Variants in RPP30 observed in about 807,000 individuals in gnomAD.
The protein encoded by RPP30 is ribonuclease P protein subunit p30.
Under a neutral mutation model 38.6 loss-of-function variants are expected in RPP30, and 36 were observed. The observed-to-expected ratio is 0.93, with a 90% CI of 0.71 to 1.23. The LOEUF (loss-of-function observed/expected upper bound fraction) is 1.23. Among genes scored for constraint, RPP30 ranks in the 50% most tolerant of loss-of-function variants. The probability of loss-of-function intolerance (pLI) is 0.00; values close to 1 mark genes in which losing one functional copy is unlikely to be tolerated. For synonymous variants in RPP30, 126 were observed against 112.7 expected (o/e 1.12, Z -0.75); for missense variants, 321 against 321.7 (o/e 1.00, Z 0.02).
intron 5 of RPP30, among the ~76,000 whole-genome samples, chr10:90,882,805 A>T (rs1029372002): frequency 1.3e-5 from 2 of 152,206 alleles, no homozygotes; most frequent in South Asian, 2.1e-4. Context: ...CTCTATTTTT[A>T]AAAAATAAAA....
chr10:90,878,822 G>T (rs747537316), intron 4 of RPP30, among the ~76,000 whole-genome samples: 1 of 152,200 alleles, frequency 6.6e-6, no homozygotes, highest in Non-Finnish European at 1.5e-5. Flanking sequence ...CAGACACAAT[G>T]TTTGGTACAT....
At chr10:90,895,817 T>C in intron 8 of RPP30, 63 bp from the exon 9 acceptor site, 1 of 1,154,880 alleles carries the variant, frequency 8.7e-7, no homozygotes, top group Non-Finnish European at 1.3e-6. Context: ...ATTAATTTGC[T>C]ATAAGTCATT....
intron 6 of RPP30, among the ~76,000 whole-genome samples, chr10:90,891,206 G>C (rs1242888603): frequency 6.6e-6 from 1 of 152,174 alleles, no homozygotes; most frequent in East Asian, 1.9e-4. Context: ...GAAATCTATA[G>C]GACCACCTTC....
chr10:90,899,160 G>C (rs975140704), intron 10 of RPP30, among the ~76,000 whole-genome samples: 6 of 152,168 alleles, frequency 3.9e-5, no homozygotes, highest in African/African-American at 1.4e-4. Context: ...TAGACTATGG[G>C]TACAGAATCA....
chr10:90,894,562 G>A (rs1215529783), intron 6 of RPP30, among the ~76,000 whole-genome samples: 1 of 152,134 alleles, frequency 6.6e-6, no homozygotes, highest in Non-Finnish European at 1.5e-5. Flanking sequence ...CCACAGCCAA[G>A]TTAAACTCTC....
At position 90,896,397 on chromosome 10, in the gene RPP30, G is replaced by A; in HGVS notation, c.697+5G>A. ...GAGCAGCGCTTCTCCATGGAGGTAA[G>A]CAAGTTCTTCCAGTACAAACTGAAT... On this transcript the variant is annotated splice_donor_5th_base_variant and intron_variant, in intron 10 of 10. Coordinates refer to ENST00000371703, the MANE Select transcript of RPP30 (RefSeq NM_006413.5). The A allele has an allele frequency of 2.5e-6, 4 of 1,612,436 alleles. No individual in the cohort carries two copies. The highest frequency in any genetic ancestry group is 1.1e-5 in the South Asian group (1 of 91,032).
chr10:90,878,676 A>G (rs1335665927), intron 4 of RPP30, among the ~76,000 whole-genome samples: 1 of 152,082 alleles, frequency 6.6e-6, no homozygotes, highest in African/African-American at 2.4e-5. Flanking sequence ...ATTTTTTTGC[A>G]GTGATGGAGT....
chr10:90,872,042 G>A lies in RPP30; in HGVS notation c.56G>A (p.Arg19His). The A allele has an allele frequency of 6.2e-7, 1 of 1,614,170 alleles. No homozygotes were observed. Among genetic ancestry groups the A allele is most frequent in the Middle Eastern group, 1.6e-4 (1 of 6,062 alleles). ...GCGGGTTCTGACCTGAAGGCTCTGCGCGGACTTGTGGAGACAGCCGCTCAC... is the reference window on the plus strand; with the variant it reads ...GCGGGTTCTGACCTGAAGGCTCTGCACGGACTTGTGGAGACAGCCGCTCAC... Reference protein sequence around the residue: ...LRAGSDLKALRGLVETAAHLG... With the variant: ...LRAGSDLKALHGLVETAAHLG... The change falls in exon 1 of 11, where the codon CGC becomes CAC. Residue 19 changes from arginine (R) to histidine (H), a missense_variant. Physicochemically the swap from Arg to His is conservative, Grantham distance 29 (BLOSUM62 0). Coordinates refer to ENST00000371703, the MANE Select transcript of RPP30 (RefSeq NM_006413.5).
At chr10:90,900,134 C>T (rs572052972) in intron 10 of RPP30, among the ~76,000 whole-genome samples, 33 of 152,264 alleles carry the variant, frequency 2.2e-4, no homozygotes, top group African/African-American at 7.9e-4. Context: ...TCAGAGGTAC[C>T]TTGATGTTCT....
intron 4 of RPP30, among the ~76,000 whole-genome samples, chr10:90,877,822 C>A (rs1846871879): frequency 1.3e-5 from 2 of 152,150 alleles, no homozygotes; most frequent in Admixed American, 6.5e-5. Context: ...GATTTTGTTT[C>A]TTAAATGAGA....
At chr10:90,888,771 C>T (rs546667039) in intron 6 of RPP30, among the ~76,000 whole-genome samples, 9 of 152,128 alleles carry the variant, frequency 5.9e-5, no homozygotes, top group East Asian at 1.9e-4. Flanking sequence ...GGGCATTTTT[C>T]GCTTAATTCC....
rs1053675315 is a variant in RPP30 at position 90,893,433 on chromosome 10, C to T, written c.433-1342C>T. On this transcript the variant is annotated intron_variant, in intron 6 of 10. Coordinates refer to ENST00000371703, the MANE Select transcript of RPP30 (RefSeq NM_006413.5). ...GCCTAGAACATGCCTACCATTCTTT[C>T]TTTATTCTTTTGAAAGAGTACTGCC... Among the ~76,000 whole-genome samples, 6 of 152,154 alleles carry T rather than the reference C, an allele frequency of 3.9e-5. No homozygotes were observed. The South Asian group carries it at 1.2e-3, about 32-fold the overall frequency.
intron 4 of RPP30, among the ~76,000 whole-genome samples, chr10:90,877,039 C>T (rs745994632): frequency 1.3e-5 from 2 of 152,150 alleles, no homozygotes; most frequent in African/African-American, 2.4e-5. Flanking sequence ...AAGATGTGCA[C>T]AGTGGCTCAT....
At chr10:90,877,755 C>T (rs1846871298) in intron 4 of RPP30, among the ~76,000 whole-genome samples, 1 of 152,098 alleles carries the variant, frequency 6.6e-6, no homozygotes, top group South Asian at 2.1e-4. Context: ...AAATTTGACT[C>T]CATAGGAGAA....
intron 5 of RPP30, chr10:90,880,116 TAGTCAATTAAGATAACTGACTGTGAAC>T (rs150099249): frequency 6.6e-6 from 1 of 150,702 alleles, no homozygotes; most frequent in Admixed American, 6.6e-5. Flanking sequence ...TGATTGTGAA[TAGTCAATTAAGATAACTGACTGTGAAC>T]AGTCAATTAA....
At chr10:90,899,212 G>C (rs1460909412) in intron 10 of RPP30, among the ~76,000 whole-genome samples, 1 of 152,044 alleles carries the variant, frequency 6.6e-6, no homozygotes, top group East Asian at 1.9e-4. Context: ...TTTTTCATTT[G>C]GTGAAATGGA....
In RPP30 at chr10:90,889,304, C is replaced by CTTTT. The variant is rs59640704; in HGVS notation, c.432+3422_432+3425dup. 1.0e-3 allele frequency among the ~76,000 whole-genome samples: 109 copies of CTTTT among 106,524 alleles called. 2 individuals carry two copies. The highest frequency in any genetic ancestry group is 1.5e-3 in the East Asian group (5 of 3,418). 69.9% of individuals were successfully genotyped at this position (106,524 alleles called of 152,430 possible). A position where few individuals can be genotyped will look rare whatever the true frequency, so the allele number is the denominator to read the frequency against. On this transcript the variant is annotated intron_variant, in intron 6 of 10. Transcript: ENST00000371703. ...TAAAAGGATCACTTTATAAGGATTA[C>CTTTT]TTTTTTTTTTTTTTTTTTTTTTGAG...
chr10:90,903,854 C>T (rs1295590818), downstream of RPP30, among the ~76,000 whole-genome samples: 2 of 151,962 alleles, frequency 1.3e-5, no homozygotes, highest in African/African-American at 4.8e-5. Context: ...TGTGTAGGGC[C>T]TCTATAAAGA....
intron 1 of RPP30, 104 bp downstream of exon 1, chr10:90,872,172 G>C (rs1846786462): frequency 1.0e-6 from 1 of 967,446 alleles, no homozygotes; most frequent in African/African-American, 1.6e-5. Flanking sequence ...AGGTCTCCCA[G>C]AGTCTCTGGG....
Sources: allele counts gnomAD v4.1 joint callset (sites outside exome capture counted in the v4.1 genomes callset), GRCh38; gene constraint gnomAD v4.1.1; transcripts MANE v1.5; gene names NCBI Gene and HGNC (gene_info 2026-07-23, HGNC 2026-07-21).